Variants in SATB1 observed in about 807,000 individuals in gnomAD.
The protein encoded by SATB1 is DNA-binding protein SATB1.
A neutral mutation model predicts 86.9 loss-of-function variants in SATB1; 11 were observed. That is an observed-to-expected ratio of 0.13 (90% CI 0.08 to 0.21). The LOEUF is 0.21. SATB1 is among the 10% of genes least tolerant of loss of function. The pLI, the probability that SATB1 is intolerant of heterozygous loss-of-function variation, is 1.00. For missense variants in SATB1, 551 were observed against 937.6 expected (o/e 0.59, Z 5.39); for synonymous variants, 357 against 357.2 (o/e 1.00, Z 0.01).
chr3:18,421,205 C>T (rs192228138), intron 1 of SATB1: 9 of 400,782 alleles, frequency 2.2e-5, no homozygotes, highest in Non-Finnish European at 4.0e-5. Flanking sequence ...GGAAACTGTA[C>T]CAATACACAT....
At chr3:18,417,867 A>C (rs1698198855) in intron 2 of SATB1, among the ~76,000 whole-genome samples, 1 of 152,176 alleles carries the variant, frequency 6.6e-6, no homozygotes, top group South Asian at 2.1e-4. Flanking sequence ...GGATAAAGGA[A>C]TCTGCATAGA....
At chr3:18,435,747 A>G (rs1699036695) in intron 2 of SATB1, among the ~76,000 whole-genome samples, 1 of 152,172 alleles carries the variant, frequency 6.6e-6, no homozygotes. Context: ...CAGGGCCTGG[A>G]AAAATGAGTT....
chr3:18,388,187 A>G (rs1696441570), intron 7 of SATB1, among the ~76,000 whole-genome samples: 1 of 152,162 alleles, frequency 6.6e-6, no homozygotes, highest in Non-Finnish European at 1.5e-5. Flanking sequence ...TCTACACAAG[A>G]GCAAAACATC....
chr3:18,437,495 G>A (rs560888895), intron 1 of SATB1, among the ~76,000 whole-genome samples: 2 of 152,074 alleles, frequency 1.3e-5, no homozygotes, highest in South Asian at 2.1e-4. Flanking sequence ...TTTTAACATG[G>A]TTGTTAATAT....
chr3:18,394,730 C>G lies in SATB1; in HGVS notation c.938G>C (p.Ser313Thr). 1 of 1,614,050 alleles carries G rather than the reference C, an allele frequency of 6.2e-7. No homozygotes were observed. The highest frequency in any genetic ancestry group is 8.5e-7 in the Non-Finnish European group (1 of 1,180,012). ...CAGCTGCTGGTTGACCAATTGAGGA[C>G]TGATAGGTGTTGATACGAGCCCAGG... ...LHPGLVSTPI[S>T]PQLVNQQLVM... The change falls in exon 7 of 11, where the codon AGT (serine) becomes ACT (threonine). Residue 313 changes from serine to threonine, a missense_variant. Coordinates refer to ENST00000338745, the MANE Select transcript of SATB1 (RefSeq NM_002971.6). This position sits in a 1 kb window ranked among gnomAD's most constrained non-coding sequence, Gnocchi z 5.9.
Position 18,352,067 on chromosome 3 carries a change from T to A in SATB1, c.1704A>T (p.Glu568Asp). 6.2e-7 allele frequency: 1 copy of A among 1,614,224 alleles called. No homozygotes were observed. Among genetic ancestry groups the A allele is most frequent in the Non-Finnish European group, 8.5e-7 (1 of 1,180,044 alleles). Residue 568 changes from glutamate (E) to aspartate (D), a missense_variant, in exon 10 of 11, where the codon GAA becomes GAT. By Grantham distance (45) the Glu-to-Asp change is conservative. Around this residue, in one of 8 missense-constraint regions of SATB1, gnomAD observed 110 missense variants for 212.2 expected, o/e 0.52. Coordinates refer to ENST00000338745, the MANE Select transcript of SATB1 (RefSeq NM_002971.6). This position sits in a 1 kb window ranked among gnomAD's most constrained non-coding sequence, Gnocchi z 4.1. ...LPQPERDAIY[E>D]QESNAVHHHG... Reference sequence around the variant, plus strand: ...GGTGATGCACCGCGTTGCTCTCCTGTTCATAAATGGCATCACGTTCTGGCT... The same window carrying A: ...GGTGATGCACCGCGTTGCTCTCCTGATCATAAATGGCATCACGTTCTGGCT...
In SATB1 at chr3:18,421,016, C is replaced by T. The variant is rs573848845; in HGVS notation, c.-24-25G>A. On this transcript the variant is annotated intron_variant, in intron 1 of 10. Transcript: ENST00000338745. ...CCTGCCAGAATTTAAAAAGAAGACA[C>T]GTTATAGTTGGGCGGGGACCTACGT... is the stretch of plus-strand genomic sequence containing the variant. The T allele has an allele frequency of 1.2e-5, 19 of 1,572,936 alleles. No homozygotes were observed. The East Asian group carries it at 1.6e-4, about 13-fold the overall frequency.
At position 18,390,540 on chromosome 3, in the gene SATB1, T is replaced by C. The variant is rs566338433; in HGVS notation, c.1206+3922A>G. ...TTTTACCTTTTATTCAATAGTGATA[T>C]GGATAGTGGACTTTTCTTAAATTAC... On this transcript the variant is annotated intron_variant, in intron 7 of 10. Transcript: ENST00000338745. 1.2e-4 allele frequency among the ~76,000 whole-genome samples: 18 copies of C among 152,304 alleles called. No homozygotes were observed. In the East Asian group the frequency reaches 2.9e-3, roughly 24 times the overall value.
chr3:18,406,756 G>A (rs1371646464), intron 5 of SATB1, among the ~76,000 whole-genome samples: 1 of 152,006 alleles, frequency 6.6e-6, no homozygotes, highest in Non-Finnish European at 1.5e-5. Context: ...AAATTCAGAA[G>A]TGATTTGTTC....
intron 5 of SATB1, among the ~76,000 whole-genome samples, chr3:18,400,863 A>T (rs1054455342): frequency 6.6e-6 from 1 of 152,200 alleles, no homozygotes; most frequent in African/African-American, 2.4e-5. Flanking sequence ...TTAAGTTACA[A>T]GTTGGTACAA....
chr3:18,370,540 G>GAAA (rs1559407474), intron 9 of SATB1, among the ~76,000 whole-genome samples: 1 of 88,168 alleles, frequency 1.1e-5, no homozygotes, highest in African/African-American at 4.3e-5. Flanking sequence ...AAAAAAAGAG[G>GAAA]AAAAACAAAA....
At chr3:18,397,646 T>C (rs1244749990) in intron 5 of SATB1, among the ~76,000 whole-genome samples, 4 of 152,214 alleles carry the variant, frequency 2.6e-5, no homozygotes, top group African/African-American at 7.2e-5. Flanking sequence ...CTCATAAATA[T>C]ACGAGACTTC....
At chr3:18,402,250 T>C (rs1287299047) in intron 5 of SATB1, among the ~76,000 whole-genome samples, 1 of 152,004 alleles carries the variant, frequency 6.6e-6, no homozygotes, top group African/African-American at 2.4e-5. Context: ...TTGAGAGAGG[T>C]GAGGCCTTCT....
chr3:18,397,576 G>A (rs1460637931), intron 5 of SATB1, among the ~76,000 whole-genome samples: 1 of 152,054 alleles, frequency 6.6e-6, no homozygotes, highest in East Asian at 1.9e-4. Context: ...CTATTACTAG[G>A]CTGTCAAACT....
intron 9 of SATB1, among the ~76,000 whole-genome samples, chr3:18,364,846 C>CT (rs111558901): frequency 0.016 from 2,328 of 146,958 alleles, 56 homozygotes; most frequent in African/African-American, 0.046. Flanking sequence ...AACAAATTTC[C>CT]TTTTTTTTTT....
intron 2 of SATB1, chr3:18,435,008 G>A (rs1228803287): frequency 6.6e-6 from 1 of 152,076 alleles, no homozygotes; most frequent in Non-Finnish European, 1.5e-5. Context: ...TAAACGTTGT[G>A]TATTAAATCA....
intron 8 of SATB1, among the ~76,000 whole-genome samples, chr3:18,383,433 G>C (rs567217739): frequency 3.4e-4 from 51 of 152,208 alleles, no homozygotes; most frequent in South Asian, 2.1e-3. Context: ...GGCCTTAATG[G>C]GGGCTGGGTT....
In SATB1 at chr3:18,405,130, A is replaced by G. The variant is rs752655051; in HGVS notation, c.640-7840T>C. On this transcript the variant is annotated intron_variant, in intron 5 of 10. Coordinates refer to ENST00000338745, the MANE Select transcript of SATB1 (RefSeq NM_002971.6). ...GCTTATGATTATTTAAAATACACTCATTATTAACTTATATATTATGTTATA... is the reference window on the plus strand; with the variant it reads ...GCTTATGATTATTTAAAATACACTCGTTATTAACTTATATATTATGTTATA... 7.2e-5 allele frequency among the ~76,000 whole-genome samples: 11 copies of G among 152,086 alleles called. 1 individual carries two copies. The highest frequency in any genetic ancestry group is 2.0e-4 in the Admixed American group (3 of 15,244).
rs551896918 is a variant in SATB1, at chr3:18,355,508, T to C, written c.1576-3313A>G. Among the ~76,000 whole-genome samples, 15 of 151,992 alleles carry C rather than the reference T, an allele frequency of 9.9e-5. No homozygotes were observed. In the East Asian group the frequency reaches 2.7e-3, roughly 27 times the overall value. ...AGAACAAATAAACTTGGGAAGAAAA[T>C]GAATATGTCACAATATTTTTAATAT... On this transcript the variant is annotated intron_variant, in intron 9 of 10. Coordinates refer to ENST00000338745, the MANE Select transcript of SATB1 (RefSeq NM_002971.6).
Sources: allele counts gnomAD v4.1 joint callset (sites outside exome capture counted in the v4.1 genomes callset), GRCh38; gene constraint gnomAD v4.1.1; regional missense constraint gnomAD v4.1.1; non-coding constraint Gnocchi (gnomAD v3.1); transcripts MANE v1.5; gene names NCBI Gene and HGNC (gene_info 2026-07-23, HGNC 2026-07-21).